GLMN: variants seen among roughly 807,000 people sequenced by gnomAD.
GLMN encodes the protein glomulin.
A neutral mutation model predicts 87.8 loss-of-function variants in GLMN; 75 were observed. The observed-to-expected ratio is 0.85, with a 90% CI of 0.71 to 1.04. GLMN has a LOEUF of 1.04. Among genes scored for constraint, GLMN ranks in the 50% least tolerant of loss-of-function variants. The pLI, the probability that GLMN is intolerant of heterozygous loss-of-function variation, is 0.00. For missense variants in GLMN, 588 were observed against 658.8 expected (o/e 0.89, Z 1.18); for synonymous variants, 206 against 221.6 (o/e 0.93, Z 0.63).
chr1:92,352,267 T>C, the GLMN span, among the ~76,000 whole-genome samples: 4 of 152,142 alleles, frequency 2.6e-5, no homozygotes, highest in Non-Finnish European at 5.9e-5. Context: ...AGCATGCAAG[T>C]CCTGGGAAAT....
At chr1:92,354,890 A>T in the GLMN span, among the ~76,000 whole-genome samples, 5 of 147,682 alleles carry the variant, frequency 3.4e-5, no homozygotes, top group African/African-American at 1.2e-4. Context: ...AATTTATGTA[A>T]ATTATTATTA....
chr1:92,292,739 T>A (rs1649568557), intron 3 of GLMN, among the ~76,000 whole-genome samples: 1 of 148,148 alleles, frequency 6.8e-6, no homozygotes, highest in African/African-American at 2.5e-5. Flanking sequence ...TTTCTTTTTT[T>A]TTTTTTTTTT....
At chr1:92,271,969 T>C (rs761417214) in intron 7 of GLMN, among the ~76,000 whole-genome samples, 1 of 152,116 alleles carries the variant, frequency 6.6e-6, no homozygotes, top group Non-Finnish European at 1.5e-5. Flanking sequence ...GTCAGAAACT[T>C]TGCTCTCTGA....
chr1:92,248,176 G>A, intron 16 of GLMN, 187 bp from the exon 17 acceptor site: 1 of 544,738 alleles, frequency 1.8e-6, no homozygotes, highest in Non-Finnish European at 3.3e-6. Context: ...AAATGTACTT[G>A]GGGCACTACG....
the GLMN span, among the ~76,000 whole-genome samples, chr1:92,331,025 G>T: frequency 6.6e-6 from 1 of 152,120 alleles, no homozygotes; most frequent in Admixed American, 6.5e-5. Context: ...GTTTTGGTCT[G>T]CTCATTCCAT....
chr1:92,334,049 GT>G, the GLMN span, among the ~76,000 whole-genome samples: 3 of 151,358 alleles, frequency 2.0e-5, no homozygotes, highest in Non-Finnish European at 2.9e-5. Flanking sequence ...GAACTTGAAG[GT>G]TTTTTTTTCC....
chr1:92,369,260 A>G, the GLMN span, among the ~76,000 whole-genome samples: 384 of 152,250 alleles, frequency 2.5e-3, 3 homozygotes, highest in South Asian at 9.3e-3. Context: ...ATTTGGGCCC[A>G]CCATGTTATT....
At chr1:92,288,809 G>A (rs1649072784) in intron 6 of GLMN, 105 bp downstream of exon 6, 1 of 733,796 alleles carries the variant, frequency 1.4e-6, no homozygotes, top group Admixed American at 2.1e-5. Flanking sequence ...TTCAAAATCT[G>A]AAACTAGATT....
At chr1:92,329,884 T>C in the GLMN span, among the ~76,000 whole-genome samples, 3 of 152,200 alleles carry the variant, frequency 2.0e-5, no homozygotes, top group Non-Finnish European at 4.4e-5. Flanking sequence ...AATCACATGG[T>C]ACAAATTAAG....
chr1:92,279,582 G>A (rs1647725257), intron 7 of GLMN, among the ~76,000 whole-genome samples: 1 of 152,054 alleles, frequency 6.6e-6, no homozygotes, highest in African/African-American at 2.4e-5. Flanking sequence ...TGAGGTACCT[G>A]GTTCACCTCA....
upstream of GLMN, chr1:92,301,455 A>C (rs1403128908): frequency 1.5e-6 from 2 of 1,310,888 alleles, no homozygotes; most frequent in Non-Finnish European, 2.2e-6. Context: ...AAGTAGATTA[A>C]GTTTCTCTTT....
intron 16 of GLMN, among the ~76,000 whole-genome samples, chr1:92,255,416 C>T (rs1163039542): frequency 6.6e-6 from 1 of 152,184 alleles, no homozygotes; most frequent in Non-Finnish European, 1.5e-5. Flanking sequence ...ACCTAACAGA[C>T]ATCTACAGAA....
the GLMN span, among the ~76,000 whole-genome samples, chr1:92,322,254 CA>C: frequency 6.7e-6 from 1 of 148,574 alleles, no homozygotes; most frequent in Admixed American, 6.7e-5. Context: ...CCAAAGTTTT[CA>C]AAAGAAAAAC....
chr1:92,251,094 A>G (rs1358086797), intron 16 of GLMN, among the ~76,000 whole-genome samples: 1 of 152,218 alleles, frequency 6.6e-6, no homozygotes, highest in African/African-American at 2.4e-5. Context: ...GAAATTGACA[A>G]AATTCTAAAA....
the GLMN span, among the ~76,000 whole-genome samples, chr1:92,354,310 T>C: frequency 2.8e-3 from 425 of 152,276 alleles, 15 homozygotes; most frequent in Middle Eastern, 3.4e-3. Context: ...TACATTTCAA[T>C]CTTAGAGTAT....
chr1:92,347,004 T>C, the GLMN span, among the ~76,000 whole-genome samples: 1 of 152,134 alleles, frequency 6.6e-6, no homozygotes, highest in Non-Finnish European at 1.5e-5. Flanking sequence ...TTCTTTGATA[T>C]TACTTCAGTC....
Position 92,267,994 on chromosome 1 carries a change from C to T in GLMN, c.1017G>A (p.Leu339=), listed in dbSNP as rs763713387. The T allele has an allele frequency of 5.8e-6, 9 of 1,557,844 alleles. No homozygotes were observed. Among genetic ancestry groups the T allele is most frequent in the East Asian group, 2.2e-5 (1 of 44,516 alleles). The part of the protein sequence containing the change: ...ESVISKGLEL[L]ENSLLRIEDN... ...CTTCTATTCTCAATAAACTATTCTC[C>T]AGCAGCTCCTACAGATTAAAATATA... Residue 339 remains leucine, a synonymous_variant, in exon 11 of 19, where the codon CTG becomes CTA. Transcript: ENST00000370360.
intron 16 of GLMN, among the ~76,000 whole-genome samples, chr1:92,256,221 A>C (rs1654218605): frequency 6.6e-6 from 1 of 152,154 alleles, no homozygotes; most frequent in African/African-American, 2.4e-5. Flanking sequence ...GAATCCCTGA[A>C]TAGACCAATA....
At chr1:92,280,725 G>C (rs747247012) in intron 7 of GLMN, among the ~76,000 whole-genome samples, 8 of 152,104 alleles carry the variant, frequency 5.3e-5, no homozygotes, top group Non-Finnish European at 8.8e-5. Flanking sequence ...CTGGAAAAAA[G>C]GTAAGACAAA....
Sources: allele counts gnomAD v4.1 joint callset (sites outside exome capture counted in the v4.1 genomes callset), GRCh38; gene constraint gnomAD v4.1.1; transcripts MANE v1.5; gene names NCBI Gene and HGNC (gene_info 2026-07-23, HGNC 2026-07-21).